The following G3BP1 variants were observed in gnomAD, a reference collection of about 807,000 sequenced individuals.
G3BP1 encodes the protein ras GTPase-activating protein-binding protein 1.
A neutral mutation model predicts 58.6 loss-of-function variants in G3BP1; 35 were observed. The ratio of observed to expected loss-of-function variants is 0.60; its 90% CI spans 0.46 to 0.79. The LOEUF (loss-of-function observed/expected upper bound fraction) is 0.79, where lower values mean the gene tolerates loss of function less well. Among genes scored for constraint, G3BP1 ranks in the 30% least tolerant of loss-of-function variants. The probability of loss-of-function intolerance (pLI) is 0.00; values close to 1 mark genes in which losing one functional copy is unlikely to be tolerated. For synonymous variants in G3BP1, 191 were observed against 195.4 expected (o/e 0.98, Z 0.19); for missense variants, 523 against 580.8 (o/e 0.90, Z 1.02).
rs1762469266 is a variant in G3BP1, at chr5:151,781,477, TTTCTC to T, written c.-49-5091_-49-5087del. On this transcript the variant is annotated intron_variant, in intron 1 of 11. Coordinates refer to ENST00000356245, the MANE Select transcript of G3BP1 (RefSeq NM_005754.3). ...TAAATTTGGATGCAGTAAAAAGTGATTTCTCTTCAATGAGTAGTTTTCATCATGTT... is the reference window on the plus strand; with the variant it reads ...TAAATTTGGATGCAGTAAAAAGTGATTTCAATGAGTAGTTTTCATCATGTT... Among the ~76,000 whole-genome samples the T allele has an allele frequency of 2.0e-5, 3 of 152,334 alleles. No individual in the cohort carries two copies. In the South Asian group the frequency reaches 6.2e-4, roughly 32 times the overall value.
rs949048529 is a variant in G3BP1 at position 151,806,944 on chromosome 5, G to C, written c.*2853G>C. The C allele has an allele frequency of 1.3e-5, 2 of 152,104 alleles. No homozygotes were observed. Among genetic ancestry groups the C allele is most frequent in the Non-Finnish European group, 2.9e-5 (2 of 68,004 alleles). The allele number at this position is 152,104 out of a possible 1,614,324, so 9.4% of individuals were successfully genotyped here. A position where few individuals can be genotyped will look rare whatever the true frequency, so the allele number is the denominator to read the frequency against. ...CCTGGCCTCATGAGTATTTTAGTTA[G>C]ATAAGATTTGTTTGGTTCAGTGGGT... On this transcript the variant is annotated 3_prime_UTR_variant, in exon 12 of 12. Transcript: ENST00000356245.
chr5:151,802,372 A>C (rs1390111457), intron 11 of G3BP1, among the ~76,000 whole-genome samples: 1 of 152,202 alleles, frequency 6.6e-6, no homozygotes, highest in Non-Finnish European at 1.5e-5. Context: ...TATTGATAGA[A>C]GTCTACTATG....
At chr5:151,785,534 T>A (rs1762541831) in intron 1 of G3BP1, among the ~76,000 whole-genome samples, 1 of 152,210 alleles carries the variant, frequency 6.6e-6, no homozygotes, top group Admixed American at 6.5e-5. Flanking sequence ...TTTGGGATAA[T>A]TTTATCTCTT....
intron 1 of G3BP1, among the ~76,000 whole-genome samples, chr5:151,776,455 G>A (rs1437599487): frequency 2.0e-5 from 3 of 152,108 alleles, no homozygotes; most frequent in African/African-American, 4.8e-5. Context: ...TAAAGCTACT[G>A]TTATTATTTT....
intron 1 of G3BP1, 55 bp from the exon 2 acceptor site, chr5:151,786,517 C>G (rs1444782686): frequency 1.5e-5 from 11 of 731,172 alleles, no homozygotes; most frequent in Non-Finnish European, 2.7e-5. Context: ...GATCTTGTCT[C>G]TGAGTTGGTT....
At chr5:151,783,694 A>C (rs528530275) in intron 1 of G3BP1, among the ~76,000 whole-genome samples, 8 of 150,548 alleles carry the variant, frequency 5.3e-5, no homozygotes, top group African/African-American at 2.0e-4. Context: ...TTTTTTTTTT[A>C]ACTGAGAATA....
chr5:151,807,692 T>C lies in G3BP1; in HGVS notation c.*3601T>C, dbSNP rs766988205. On this transcript the variant is annotated 3_prime_UTR_variant, in exon 12 of 12. Transcript: ENST00000356245. ...TGTTTTGTGCTTATAAACTGTCACC[T>C]TCTGATACTTTTCTTCATCCCTCTA... The C allele has an allele frequency of 6.6e-6, 1 of 152,246 alleles. No homozygotes were observed. Among genetic ancestry groups the C allele is most frequent in the Non-Finnish European group, 1.5e-5 (1 of 68,044 alleles). The allele number at this position is 152,246 out of a possible 1,614,324, so 9.4% of individuals were successfully genotyped here.
intron 1 of G3BP1, among the ~76,000 whole-genome samples, chr5:151,776,879 T>C (rs1762380404): frequency 6.6e-6 from 1 of 151,462 alleles, no homozygotes; most frequent in Non-Finnish European, 1.5e-5. Context: ...GTTTATTTTG[T>C]TGTTCATGTT....
In G3BP1 at chr5:151,790,011, TA is replaced by T. The variant is rs533297859; in HGVS notation, c.96-309del. ...CAACATAGTTGACCTTATCTCTACT[TA>T]AATAAAAATAATCAGCCAGGCATGG... On this transcript the variant is annotated intron_variant, in intron 2 of 11. Coordinates refer to ENST00000356245, the MANE Select transcript of G3BP1 (RefSeq NM_005754.3). Among the ~76,000 whole-genome samples the T allele has an allele frequency of 8.0e-5, 12 of 149,528 alleles. No homozygotes were observed. The East Asian group carries it at 2.4e-3, about 29-fold the overall frequency.
intron 1 of G3BP1, among the ~76,000 whole-genome samples, chr5:151,778,506 A>G (rs771791599): frequency 1.6e-4 from 25 of 152,192 alleles, no homozygotes; most frequent in Non-Finnish European, 3.2e-4. Context: ...CAGTGGCGCC[A>G]TCTCTGCTCA....
intron 2 of G3BP1, among the ~76,000 whole-genome samples, chr5:151,788,702 C>T (rs1332662843): frequency 2.0e-5 from 3 of 151,894 alleles, no homozygotes; most frequent in East Asian, 1.9e-4. Context: ...CAGCCTCTGC[C>T]TCCCAGGTTC....
chr5:151,780,615 C>T (rs941563800), intron 1 of G3BP1, among the ~76,000 whole-genome samples: 2 of 152,286 alleles, frequency 1.3e-5, no homozygotes, highest in African/African-American at 4.8e-5. Flanking sequence ...CGGGTTCACT[C>T]TGTTCTCCTG....
intron 1 of G3BP1, among the ~76,000 whole-genome samples, chr5:151,778,659 C>G (rs986422854): frequency 6.6e-6 from 1 of 152,040 alleles, no homozygotes; most frequent in Admixed American, 6.5e-5. Flanking sequence ...CCAAGCTAGT[C>G]TCGAACTACT....
chr5:151,787,593 T>C (rs546213073), intron 2 of G3BP1, among the ~76,000 whole-genome samples: 1 of 152,322 alleles, frequency 6.6e-6, no homozygotes, highest in African/African-American at 2.4e-5. Context: ...AGAGATGTAG[T>C]GTACTTTAAT....
Position 151,811,325 on chromosome 5 carries a change from A to G in G3BP1, c.*7234A>G, listed in dbSNP as rs1225992300. The G allele has an allele frequency of 1.3e-5, 2 of 152,206 alleles. No homozygotes were observed. Among genetic ancestry groups the G allele is most frequent in the Admixed American group, 6.6e-5 (1 of 15,266 alleles). The allele number at this position is 152,206 out of a possible 1,614,324, so 9.4% of individuals were successfully genotyped here. A position where few individuals can be genotyped will look rare whatever the true frequency, so the allele number is the denominator to read the frequency against. Reference sequence around the variant, plus strand: ...GAGTCATCTTTGTATCTTGCCTAGCACCTATCAATAAATACTTCTTGAATG... The same window carrying G: ...GAGTCATCTTTGTATCTTGCCTAGCGCCTATCAATAAATACTTCTTGAATG... On this transcript the variant is annotated 3_prime_UTR_variant, in exon 12 of 12. Transcript: ENST00000356245.
Position 151,800,863 on chromosome 5 carries a change from C to A in G3BP1, c.1188C>A (p.Ser396Arg). Reference sequence around the variant, plus strand: ...CTGAGCCTGTTCAGAAAGTCCTTAGCAACAGGGTAAGCAGCTTTTTGTCTT... The same window carrying A: ...CTGAGCCTGTTCAGAAAGTCCTTAGAAACAGGGTAAGCAGCTTTTTGTCTT... ...DDSEPVQKVL[S>R]NRPIMFRGEV... Residue 396 changes from serine to arginine, a missense_variant, in exon 11 of 12, where the codon AGC becomes AGA. Ser to Arg is a moderately radical substitution (Grantham distance 110). Around this residue, in one of 2 missense-constraint regions of G3BP1, gnomAD observed 125 missense variants for 181.7 expected, o/e 0.69. Coordinates refer to ENST00000356245, the MANE Select transcript of G3BP1 (RefSeq NM_005754.3). 3.3e-6 allele frequency: 5 copies of A among 1,507,822 alleles called. No individual in the cohort carries two copies. Among genetic ancestry groups the A allele is most frequent in the Non-Finnish European group, 4.6e-6 (5 of 1,085,708 alleles). 93.4% of individuals were successfully genotyped at this position (1,507,822 alleles called of 1,614,324 possible).
intron 4 of G3BP1, chr5:151,792,063 C>A (rs1160405039): frequency 2.2e-6 from 1 of 456,116 alleles, no homozygotes; most frequent in Non-Finnish European, 4.4e-6. Context: ...TGCACTGTTC[C>A]TGGCCCAGTC....
intron 2 of G3BP1, among the ~76,000 whole-genome samples, chr5:151,788,072 A>G (rs932529847): frequency 2.0e-5 from 3 of 151,600 alleles, no homozygotes; most frequent in Admixed American, 2.0e-4. Context: ...CTGAGGTGCA[A>G]TCCACCACGC....
chr5:151,796,887 G>GCC (rs201183126), intron 6 of G3BP1, among the ~76,000 whole-genome samples: 2 of 69,580 alleles, frequency 2.9e-5, no homozygotes, highest in African/African-American at 1.0e-4. Context: ...TTTCTTTCCC[G>GCC]CCCCCCCCGC....
Sources: gnomAD v4.1 joint callset for allele counts (sites outside exome capture counted in the v4.1 genomes callset) on GRCh38, gnomAD v4.1.1 for gene constraint, gnomAD v4.1.1 regional missense constraint, MANE v1.5 for transcripts, NCBI Gene and HGNC (gene_info 2026-07-23, HGNC 2026-07-21) for gene names.